RGP1: variants seen among roughly 807,000 people sequenced by gnomAD.
RGP1 encodes RGP1 partner of RAB6A GEF complex, also known as RAB6A-GEF complex partner protein 2.
Under a neutral mutation model 44.5 loss-of-function variants are expected in RGP1, and 28 were observed. That is an observed-to-expected ratio of 0.63 (90% CI 0.47 to 0.86). The LOEUF (loss-of-function observed/expected upper bound fraction) is 0.86. Ranked by LOEUF, RGP1 falls within the 40% of genes least tolerant of loss-of-function variation. RGP1 has a pLI of 0.00. For synonymous variants in RGP1, 212 were observed against 196.7 expected (o/e 1.08, Z -0.65); for missense variants, 417 against 490.7 (o/e 0.85, Z 1.42).
chr9:35,757,997 A>G lies in RGP1; in HGVS notation c.*5123A>G, dbSNP rs1827383307. 2 of 152,280 alleles carry G rather than the reference A, an allele frequency of 1.3e-5. No homozygotes were observed. The highest frequency in any genetic ancestry group is 4.8e-5 in the African/African-American group (2 of 41,474). The allele number at this position is 152,280 out of a possible 1,614,324, so 9.4% of individuals were successfully genotyped here. On this transcript the variant is annotated 3_prime_UTR_variant, in exon 9 of 9. Transcript: ENST00000378078. ...CAAAAGTGAGGCTCTCAGATTGGTAATATGGTATTCAGCCTTTTTCTTGTT... is the reference window on the plus strand; with the variant it reads ...CAAAAGTGAGGCTCTCAGATTGGTAGTATGGTATTCAGCCTTTTTCTTGTT...
In RGP1 at chr9:35,753,677, G is replaced by A. The variant is rs1243695269; in HGVS notation, c.*803G>A. ...TCACTCACGTGTCACAGCAGCCCAC[G>A]CCAACAGGATGCAGACAGGTGCAAT... On this transcript the variant is annotated 3_prime_UTR_variant, in exon 9 of 9. Coordinates refer to ENST00000378078, the MANE Select transcript of RGP1 (RefSeq NM_001080496.3). This position sits in a 1 kb window ranked among gnomAD's most constrained non-coding sequence, Gnocchi z 4.2. 3 of 1,613,880 alleles carry A rather than the reference G, an allele frequency of 1.9e-6. No homozygotes were observed. The highest frequency in any genetic ancestry group is 2.5e-6 in the Non-Finnish European group (3 of 1,179,858).
chr9:35,761,109 C>T (rs1261800892), downstream of RGP1, among the ~76,000 whole-genome samples: 1 of 152,220 alleles, frequency 6.6e-6, no homozygotes, highest in East Asian at 1.9e-4. Flanking sequence ...TGAAGCTTTC[C>T]TTCTAGCATT....
rs1827237806 is a variant in RGP1, at chr9:35,750,662, G to A, written c.258G>A (p.Glu86=). The A allele has an allele frequency of 6.2e-7, 1 of 1,613,824 alleles. No homozygotes were observed. Among genetic ancestry groups the A allele is most frequent in the Non-Finnish European group, 8.5e-7 (1 of 1,179,846 alleles). ...SQTVFLPHRG[E]RGQCILSTPP... ...AGTCATTTTTACCTTTTTCAGGTGA[G>A]AGGGGCCAGTGTATCCTTTCTACTC... The change falls in exon 4 of 9, where the codon GAG becomes GAA. Residue 86 remains glutamate (E), a synonymous_variant. Coordinates refer to ENST00000378078, the MANE Select transcript of RGP1 (RefSeq NM_001080496.3).
intron 7 of RGP1, 28 bp downstream of exon 7, chr9:35,751,782 G>A: frequency 6.2e-7 from 1 of 1,613,516 alleles, no homozygotes; most frequent in African/African-American, 1.3e-5. Flanking sequence ...CTTCTTACCT[G>A]CTGGGGTGCT....
the RGP1 span, among the ~76,000 whole-genome samples, chr9:35,775,411 G>C: frequency 6.6e-6 from 1 of 152,112 alleles, no homozygotes; most frequent in Non-Finnish European, 1.5e-5. Context: ...GAACTTTGGG[G>C]GCCTGTTCTA....
At chr9:35,782,476 T>C in the RGP1 span, among the ~76,000 whole-genome samples, 1 of 152,358 alleles carries the variant, frequency 6.6e-6, no homozygotes, top group Non-Finnish European at 1.5e-5. Flanking sequence ...AGACGGAGTC[T>C]CGCTCTGTTG....
At chr9:35,780,131 G>A in the RGP1 span, 1 of 152,334 alleles carries the variant, frequency 6.6e-6, no homozygotes. Flanking sequence ...TAAAAAGAGA[G>A]TTGTTCTTTT....
rs542056958 is a variant in RGP1 at position 35,752,668 on chromosome 9, T to C, written c.970T>C (p.Leu324=). 1.9e-6 allele frequency: 3 copies of C among 1,611,814 alleles called. No homozygotes were observed. Among genetic ancestry groups the C allele is most frequent in the East Asian group, 4.5e-5 (2 of 44,858 alleles). ...TTCCATAGTGTCCTTGAAGTGGAGA[T>C]TGCATTTTGAATTTGTAACGTCCCG... ...CTAIVSLKWR[L]HFEFVTSREP... is the part of the protein sequence containing the mutation. Residue 324 remains leucine (L), a synonymous_variant, in exon 9 of 9, where the codon TTG becomes CTG. Transcript: ENST00000378078.
the RGP1 span, among the ~76,000 whole-genome samples, chr9:35,777,611 G>A: frequency 5.7e-4 from 87 of 152,162 alleles, no homozygotes; most frequent in African/African-American, 2.0e-3. Flanking sequence ...GAGCCAACGC[G>A]CCCAGCCTGG....
intron 8 of RGP1, among the ~76,000 whole-genome samples, chr9:35,752,428 T>C (rs1827282490): frequency 6.6e-6 from 1 of 152,210 alleles, no homozygotes; most frequent in African/African-American, 2.4e-5. Flanking sequence ...CTTGACTGCC[T>C]CACTCTTAGG....
the RGP1 span, among the ~76,000 whole-genome samples, chr9:35,769,074 C>T: frequency 6.6e-6 from 1 of 152,174 alleles, no homozygotes; most frequent in Non-Finnish European, 1.5e-5. Context: ...ACTGATTGGG[C>T]CCATTTGAGA....
chr9:35,763,525 A>G (rs115472670), downstream of RGP1, among the ~76,000 whole-genome samples: 10 of 152,204 alleles, frequency 6.6e-5, no homozygotes, highest in Non-Finnish European at 1.3e-4. Flanking sequence ...ATACAATCCT[A>G]TTTATATCTC....
the RGP1 span, among the ~76,000 whole-genome samples, chr9:35,770,985 A>G: frequency 3.3e-5 from 5 of 152,234 alleles, no homozygotes; most frequent in South Asian, 1.0e-3. Context: ...TGGTAGGATC[A>G]GAGTGAATTT....
the RGP1 span, among the ~76,000 whole-genome samples, chr9:35,777,973 G>T: frequency 1.3e-5 from 2 of 152,084 alleles, no homozygotes; most frequent in Non-Finnish European, 2.9e-5. Context: ...ATTTTGAATA[G>T]GTCATACTTG....
rs1827221849 is a variant in RGP1, at chr9:35,750,326, C to CTA, written c.201_202dup (p.Ser68IlefsTer37). The CTA allele has an allele frequency of 6.2e-7, 1 of 1,613,988 alleles. No individual in the cohort carries two copies. The highest frequency in any genetic ancestry group is 8.5e-7 in the Non-Finnish European group (1 of 1,179,882). On this transcript the variant is annotated frameshift_variant, in exon 3 of 9. Coordinates refer to ENST00000378078, the MANE Select transcript of RGP1 (RefSeq NM_001080496.3). LOFTEE classifies it high-confidence loss of function. ...CGAGTAGCACTGCCTCCTCCTGACT[C>CTA]TAGTCAGCCAGATGTCCAGCCCGAC...
Position 35,749,485 on chromosome 9 carries a change from C to T in RGP1, c.-20+77C>T. ...GGAGCGGAGGCCAGTTTGGGAACTC[C>T]GCGGGGGTGCCCAGGGAGAAGAACC... On this transcript the variant is annotated intron_variant, in intron 1 of 8. Transcript: ENST00000378078. This position sits in a 1 kb window ranked among gnomAD's most constrained non-coding sequence, Gnocchi z 4.4. 3.1e-6 allele frequency: 2 copies of T among 643,268 alleles called. No homozygotes were observed. The allele number at this position is 643,268 out of a possible 1,614,324, so 39.8% of individuals were successfully genotyped here.
chr9:35,753,795 G>A lies in RGP1; in HGVS notation c.*921G>A, dbSNP rs1185259343. On this transcript the variant is annotated 3_prime_UTR_variant, in exon 9 of 9. Transcript: ENST00000378078. The surrounding 1 kb of genome is among the most constrained non-coding windows in gnomAD (Gnocchi z 4.2). ...TAGGGAAGAACGGGAAATGTTAGTA[G>A]GTGTAGGAGTGCTGATGAGAGGCAG... The A allele has an allele frequency of 6.3e-7, 1 of 1,598,160 alleles. No homozygotes were observed. Among genetic ancestry groups the A allele is most frequent in the South Asian group, 1.1e-5 (1 of 90,532 alleles).
intron 8 of RGP1, among the ~76,000 whole-genome samples, chr9:35,752,448 A>G (rs1343510344): frequency 1.6e-4 from 25 of 152,156 alleles, no homozygotes; most frequent in Admixed American, 1.6e-3. Flanking sequence ...GTTATTAGGT[A>G]CTTAATACTG....
chr9:35,769,445 C>T, the RGP1 span, among the ~76,000 whole-genome samples: 200 of 152,180 alleles, frequency 1.3e-3, no homozygotes, highest in African/African-American at 4.3e-3. Context: ...ACTGAGGACA[C>T]AGTATTTTGT....
Sources: gnomAD v4.1 joint callset for allele counts (sites outside exome capture counted in the v4.1 genomes callset) on GRCh38, gnomAD v4.1.1 for gene constraint, Gnocchi (gnomAD v3.1) non-coding constraint, MANE v1.5 for transcripts, NCBI Gene and HGNC (gene_info 2026-07-23, HGNC 2026-07-21) for gene names.